RPS15A: variants seen among roughly 807,000 people sequenced by gnomAD.
The protein encoded by RPS15A is small ribosomal subunit protein uS8.
For missense variants in RPS15A, 62 were observed against 163.4 expected (o/e 0.38, Z 3.38); for synonymous variants, 55 against 58.5 (o/e 0.94, Z 0.27).
chr16:18,784,603 G>C (rs1904017716), intron 4 of RPS15A, 135 bp downstream of exon 4: 1 of 685,640 alleles, frequency 1.5e-6, no homozygotes, highest in East Asian at 2.6e-5. Context: ...TGAGCTATTA[G>C]GTCAAAATGG....
chr16:18,783,123 G>C, intron 4 of RPS15A, 21 bp from the exon 5 acceptor site: 2 of 1,518,214 alleles, frequency 1.3e-6, no homozygotes, highest in Non-Finnish European at 1.8e-6. Context: ...GAAAAAGAAA[G>C]TGCTGGTAAG....
intron 4 of RPS15A, 111 bp from the exon 5 acceptor site, chr16:18,783,213 C>A: frequency 1.5e-6 from 1 of 674,916 alleles, no homozygotes. Flanking sequence ...TCCTGTGGGG[C>A]ACATAGGAAC....
At position 18,782,550 on chromosome 16, in the gene RPS15A, C is replaced by T. The variant is rs1455940179; in HGVS notation, c.*459G>A. On this transcript the variant is annotated 3_prime_UTR_variant, in exon 5 of 5. Transcript: ENST00000322989. Reference sequence around the variant, plus strand: ...CCAGCCTGGGCAACATGGCGAAACCCTGTCTCTACTAAAATATAAAAATTA... The same window carrying T: ...CCAGCCTGGGCAACATGGCGAAACCTTGTCTCTACTAAAATATAAAAATTA... 6.5e-6 allele frequency: 1 copy of T among 154,014 alleles called. No homozygotes were observed. The highest frequency in any genetic ancestry group is 2.4e-5 in the African/African-American group (1 of 41,414). The allele number at this position is 154,014 out of a possible 1,614,324, so 9.5% of individuals were successfully genotyped here. A position where few individuals can be genotyped will look rare whatever the true frequency, so the allele number is the denominator to read the frequency against.
At chr16:18,783,516 CAAT>C (rs1903997662) in intron 4 of RPS15A, 1 of 376,182 alleles carries the variant, frequency 2.7e-6, no homozygotes. Context: ...TTCATTTGTA[CAAT>C]GAGTGGCTGC....
chr16:18,783,828 C>A, intron 4 of RPS15A: 1 of 404,540 alleles, frequency 2.5e-6, no homozygotes, highest in Non-Finnish European at 5.0e-6. Flanking sequence ...GAAATCAAGG[C>A]TGTGACTTGC....
At chr16:18,783,341 C>T in intron 4 of RPS15A, 1 of 508,216 alleles carries the variant, frequency 2.0e-6, no homozygotes, top group East Asian at 3.4e-5. Context: ...CTTCTGCCTA[C>T]ACCATGAAAC....
chr16:18,783,343 C>T lies in RPS15A; in HGVS notation c.300-241G>A, dbSNP rs558528987. On this transcript the variant is annotated intron_variant, in intron 4 of 4. Transcript: ENST00000322989. The stretch of plus-strand genomic sequence containing the variant: ...CACACAGCCCTGACTTCTGCCTACA[C>T]CATGAAACAAACTGCACTGAAAACA... 5 of 507,820 alleles carry T rather than the reference C, an allele frequency of 9.8e-6. No homozygotes were observed. In the East Asian group the frequency reaches 1.0e-4, roughly 10 times the overall value. The allele number at this position is 507,820 out of a possible 1,614,324, so 31.5% of individuals were successfully genotyped here. A position where few individuals can be genotyped will look rare whatever the true frequency, so the allele number is the denominator to read the frequency against.
At position 18,782,997 on chromosome 16, in the gene RPS15A, T is replaced by C. The variant is rs1400797893; in HGVS notation, c.*12A>G. The C allele has an allele frequency of 3.4e-6, 5 of 1,458,440 alleles. No homozygotes were observed. In the African/African-American group the frequency reaches 4.2e-5, roughly 12 times the overall value. The allele number at this position is 1,458,440 out of a possible 1,614,324, so 90.3% of individuals were successfully genotyped here. On this transcript the variant is annotated 3_prime_UTR_variant, in exon 5 of 5. Coordinates refer to ENST00000322989, the MANE Select transcript of RPS15A (RefSeq NM_001019.5). ...ATGAGGCATTTTATTTGTAAATATA[T>C]GTATTACATCCCTAGAAAAAGAATC...
At chr16:18,784,585 A>T (rs1156411351) in intron 4 of RPS15A, 153 bp downstream of exon 4, 1 of 633,572 alleles carries the variant, frequency 1.6e-6, no homozygotes, top group East Asian at 2.8e-5. Context: ...AGAAATATGG[A>T]TAACACTTGA....
chr16:18,789,151 T>C (rs752468268), intron 1 of RPS15A, 33 bp from the exon 2 acceptor site: 10 of 1,589,668 alleles, frequency 6.3e-6, no homozygotes, highest in Admixed American at 5.4e-5. Flanking sequence ...GAGGTTTTAC[T>C]GGCATTGCCA....
chr16:18,789,253 T>G, intron 1 of RPS15A, 135 bp from the exon 2 acceptor site: 1 of 791,846 alleles, frequency 1.3e-6, no homozygotes, highest in South Asian at 1.9e-5. Context: ...AGCAGGCTGC[T>G]TCTCCATTTC....
At chr16:18,786,222 G>A (rs991697348) in intron 3 of RPS15A, 5 of 219,860 alleles carry the variant, frequency 2.3e-5, no homozygotes, top group Middle Eastern at 1.7e-3. Flanking sequence ...AAAATTAGCC[G>A]GGCATGGTGG....
At chr16:18,789,244 G>A in intron 1 of RPS15A, 126 bp from the exon 2 acceptor site, 2 of 890,846 alleles carry the variant, frequency 2.2e-6, no homozygotes, top group Non-Finnish European at 3.4e-6. Flanking sequence ...TCAAGTCTAA[G>A]CAGGCTGCTT....
Position 18,784,749 on chromosome 16 carries a change from G to C in RPS15A, c.288C>G (p.Ser96=), listed in dbSNP as rs1226774018. 6.2e-7 allele frequency: 1 copy of C among 1,608,402 alleles called. No individual in the cohort carries two copies. The highest frequency in any genetic ancestry group is 1.7e-5 in the Admixed American group (1 of 58,620). ...AAAGGCCAACTTACCCAAACTGGCG[G>C]GATGGAAGCAGATTATTCTGCCATT... is the stretch of plus-strand genomic sequence containing the variant. ...LEKWQNNLLP[S]RQFGFIVLTT... is the part of the protein sequence containing the mutation. The change falls in exon 4 of 5, where the codon TCC becomes TCG. Residue 96 remains serine (S), a synonymous_variant. Transcript: ENST00000322989.
chr16:18,785,450 C>T (rs1172727346), intron 3 of RPS15A: 1 of 152,164 alleles, frequency 6.6e-6, no homozygotes, highest in Admixed American at 6.5e-5. Flanking sequence ...ATGATCCTCC[C>T]AAGTAAAAGC....
rs530814895 is a variant in RPS15A at position 18,789,666 on chromosome 16, C to T, written c.-5-548G>A. On this transcript the variant is annotated intron_variant, in intron 1 of 4. Transcript: ENST00000322989. Reference sequence around the variant, plus strand: ...TGCCATTTAAAATTGCGTCCAACAGCAAGAGCCACAGTGGCAAACAGAAAC... The same window carrying T: ...TGCCATTTAAAATTGCGTCCAACAGTAAGAGCCACAGTGGCAAACAGAAAC... Among the ~76,000 whole-genome samples, 2 of 152,346 alleles carry T rather than the reference C, an allele frequency of 1.3e-5. 1 individual carries two copies. The highest frequency in any genetic ancestry group is 4.1e-4 in the South Asian group (2 of 4,824).
rs1002315331 is a variant in RPS15A at position 18,789,096 on chromosome 16, G to A, written c.18C>T (p.Val6=). 5 of 1,613,548 alleles carry A rather than the reference G, an allele frequency of 3.1e-6. No homozygotes were observed. Among genetic ancestry groups the A allele is most frequent in the Admixed American group, 3.3e-5 (2 of 59,834 alleles). Residue 6 remains valine, a synonymous_variant, in exon 2 of 5, where the codon GTC becomes GTT. Coordinates refer to ENST00000322989, the MANE Select transcript of RPS15A (RefSeq NM_001019.5). ...TGATACTCTTGAGAGCATCTGCCAG[G>A]ACATTCATGCGCACCATTGTGGCTG... The part of the protein sequence containing the change: MVRMN[V]LADALKSINN...
intron 2 of RPS15A, chr16:18,788,657 TTTTG>T (rs980946067): frequency 5.5e-4 from 123 of 225,300 alleles, no homozygotes; most frequent in African/African-American, 2.6e-3. Flanking sequence ...ACCGGCTGAT[TTTTG>T]TTTTTGTTTT....
intron 2 of RPS15A, among the ~76,000 whole-genome samples, 178 bp from the exon 3 acceptor site, chr16:18,788,320 A>T (rs537070267): frequency 1.6e-4 from 25 of 152,318 alleles, no homozygotes; most frequent in African/African-American, 5.8e-4. Context: ...ACATATAAGA[A>T]TTGGGAGACA....
Sources: allele counts gnomAD v4.1 joint callset (sites outside exome capture counted in the v4.1 genomes callset), GRCh38; gene constraint gnomAD v4.1.1; transcripts MANE v1.5; gene names NCBI Gene and HGNC (gene_info 2026-07-23, HGNC 2026-07-21).